The following ABHD3 variants were observed in gnomAD, a reference collection of about 807,000 sequenced individuals.
The protein encoded by ABHD3 is phospholipase ABHD3.
ABHD3 carries 46 observed loss-of-function variants against 48.8 expected under a neutral mutation model. The observed-to-expected ratio is 0.94, with a 90% CI of 0.74 to 1.20. The LOEUF (loss-of-function observed/expected upper bound fraction) is 1.20, where lower values mean the gene tolerates loss of function less well. ABHD3 is among the 50% of genes most tolerant of loss of function. The pLI is 0.00. For synonymous variants in ABHD3, 192 were observed against 183.7 expected (o/e 1.04, Z -0.36); for missense variants, 490 against 497.8 (o/e 0.98, Z 0.15).
chr18:21,666,736 A>G (rs1287273738), intron 4 of ABHD3, among the ~76,000 whole-genome samples: 1 of 152,194 alleles, frequency 6.6e-6, no homozygotes, highest in Admixed American at 6.5e-5. Flanking sequence ...ATGCTTCAAT[A>G]TATAACACAT....
rs772086216 is a variant in ABHD3 at position 21,651,761 on chromosome 18, T to C, written c.1060A>G (p.Ile354Val). The change falls in exon 9 of 9, where the codon ATT becomes GTT. Residue 354 changes from isoleucine to valine, a missense_variant and splice_region_variant. Ile to Val is a conservative substitution (Grantham distance 29, BLOSUM62 3). Transcript: ENST00000289119. ...VDDVFSPSHAIPIETAKQNPN... is the reference protein window; with the variant it reads ...VDDVFSPSHAVPIETAKQNPN... ...TTTTGCTTAGCAGTTTCTATTGGAA[T>C]AGCTTCAGACCAAAAAAAACATGGC... 6 of 1,546,998 alleles carry C rather than the reference T, an allele frequency of 3.9e-6. No homozygotes were observed. Among genetic ancestry groups the C allele is most frequent in the Non-Finnish European group, 5.2e-6 (6 of 1,145,330 alleles).
intron 4 of ABHD3, among the ~76,000 whole-genome samples, chr18:21,670,451 TCATGACAGTC>T (rs1326985733): frequency 6.6e-6 from 1 of 152,200 alleles, no homozygotes; most frequent in Non-Finnish European, 1.5e-5. Context: ...GCAGCTGTAA[TCATGACAGTC>T]TTTCTGCTTA....
intron 3 of ABHD3, among the ~76,000 whole-genome samples, chr18:21,684,615 G>A (rs1287002934): frequency 2.0e-5 from 3 of 152,028 alleles, no homozygotes; most frequent in East Asian, 3.9e-4. Flanking sequence ...GAGCCACTGC[G>A]TCTGGCCTTG....
At chr18:21,699,144 C>A (rs555902519) in intron 3 of ABHD3, among the ~76,000 whole-genome samples, 1 of 152,048 alleles carries the variant, frequency 6.6e-6, no homozygotes, top group African/African-American at 2.4e-5. Flanking sequence ...GAACTCCTAA[C>A]CTCAAGTGAT....
intron 4 of ABHD3, 140 bp downstream of exon 4, chr18:21,683,780 C>T: frequency 1.2e-6 from 1 of 806,122 alleles, no homozygotes; most frequent in Non-Finnish European, 1.8e-6. Flanking sequence ...TCCTTTTTTT[C>T]CATATCTGTA....
At chr18:21,662,044 T>C (rs560014380) in intron 5 of ABHD3, 1 of 151,510 alleles carries the variant, frequency 6.6e-6, no homozygotes, top group East Asian at 2.0e-4. Flanking sequence ...TCTCAGCTCA[T>C]GGCAACCTCC....
At chr18:21,668,200 C>CAAAGA (rs2039679184) in intron 4 of ABHD3, among the ~76,000 whole-genome samples, 1 of 61,354 alleles carries the variant, frequency 1.6e-5, no homozygotes, top group African/African-American at 7.5e-5. Context: ...GAATCTATCT[C>CAAAGA]AAAAAAAAAA....
chr18:21,668,200 C>CAAAA (rs747590942), intron 4 of ABHD3, among the ~76,000 whole-genome samples: 209 of 61,176 alleles, frequency 3.4e-3, no homozygotes, highest in African/African-American at 0.013. Flanking sequence ...GAATCTATCT[C>CAAAA]AAAAAAAAAA....
intron 6 of ABHD3, among the ~76,000 whole-genome samples, chr18:21,658,600 T>C (rs2039409340): frequency 6.6e-6 from 1 of 152,086 alleles, no homozygotes; most frequent in Non-Finnish European, 1.5e-5. Context: ...ACTTCAGGGG[T>C]TGTACAAGAC....
intron 2 of ABHD3, 140 bp downstream of exon 2, chr18:21,703,444 T>C (rs1451153073): frequency 8.7e-6 from 9 of 1,029,880 alleles, no homozygotes; most frequent in African/African-American, 1.6e-5. Flanking sequence ...GCCGGGGACG[T>C]ACCTTCCATT....
At chr18:21,697,952 C>T (rs1156833487) in intron 3 of ABHD3, among the ~76,000 whole-genome samples, 2 of 152,004 alleles carry the variant, frequency 1.3e-5, no homozygotes, top group Non-Finnish European at 2.9e-5. Context: ...ATTGACAGTT[C>T]CCTGGTGACC....
intron 3 of ABHD3, among the ~76,000 whole-genome samples, chr18:21,685,836 A>T (rs2040118170): frequency 6.6e-6 from 1 of 152,186 alleles, no homozygotes; most frequent in Non-Finnish European, 1.5e-5. Flanking sequence ...TAGCTGGGAT[A>T]ACAGGCACGT....
At chr18:21,655,211 T>C (rs1042424680) in intron 8 of ABHD3, 2 of 152,014 alleles carry the variant, frequency 1.3e-5, no homozygotes, top group Non-Finnish European at 2.9e-5. Context: ...GTTATGTTTA[T>C]AGTCAGAATC....
chr18:21,704,279 G>A (rs1382532856), intron 1 of ABHD3, among the ~76,000 whole-genome samples: 1 of 152,222 alleles, frequency 6.6e-6, no homozygotes. Context: ...GAAGTCAGCC[G>A]GGTTCAGGCT....
At chr18:21,689,574 A>AAAT (rs1555681996) in intron 3 of ABHD3, among the ~76,000 whole-genome samples, 1 of 148,608 alleles carries the variant, frequency 6.7e-6, no homozygotes, top group Non-Finnish European at 1.5e-5. Context: ...AAAAAAAAAA[A>AAAT]GGGAAATGCT....
intron 3 of ABHD3, among the ~76,000 whole-genome samples, chr18:21,696,146 G>GT (rs374370780): frequency 0.027 from 3,719 of 137,904 alleles, 107 homozygotes; most frequent in African/African-American, 0.07. Context: ...TTTTCTCCTT[G>GT]TTTTTTTTTT....
chr18:21,667,978 A>G (rs1027428763), intron 4 of ABHD3, among the ~76,000 whole-genome samples: 4 of 151,930 alleles, frequency 2.6e-5, no homozygotes, highest in African/African-American at 9.7e-5. Flanking sequence ...AGGCTGGTGG[A>G]TCACCTGAGG....
Position 21,700,827 on chromosome 18 carries a change from C to CAAAA in ABHD3, c.509+1485_509+1488dup, listed in dbSNP as rs375239917. Among the ~76,000 whole-genome samples, 61 of 94,362 alleles carry CAAAA rather than the reference C, an allele frequency of 6.5e-4. 2 individuals are homozygous for CAAAA. The highest frequency in any genetic ancestry group is 1.5e-3 in the African/African-American group (43 of 28,666). The allele number at this position is 94,362 out of a possible 152,430, so 61.9% of individuals were successfully genotyped here. ...TTTCTGAGCATGACTAAGTTTTAGC[C>CAAAA]AAAAAAAAAAAAAAAAAAAAAATGG... On this transcript the variant is annotated intron_variant, in intron 3 of 8. Coordinates refer to ENST00000289119, the MANE Select transcript of ABHD3 (RefSeq NM_138340.5).
intron 3 of ABHD3, 46 bp downstream of exon 3, chr18:21,702,270 C>T (rs757517630): frequency 3.3e-5 from 47 of 1,425,684 alleles, no homozygotes; most frequent in Non-Finnish European, 4.2e-5. Context: ...ATTTGTACTT[C>T]ATTTGGAATG....
Sources: gnomAD v4.1 joint callset for allele counts (sites outside exome capture counted in the v4.1 genomes callset) on GRCh38, gnomAD v4.1.1 for gene constraint, MANE v1.5 for transcripts, NCBI Gene and HGNC (gene_info 2026-07-23, HGNC 2026-07-21) for gene names.